The following ULK4 variants were observed in gnomAD, a reference collection of about 807,000 sequenced individuals.
ULK4 encodes unc-51 like kinase 4.
ULK4 carries 133 observed loss-of-function variants against 160.6 expected under a neutral mutation model. That is an observed-to-expected ratio of 0.83 (90% confidence interval 0.72 to 0.96). The LOEUF is 0.96. ULK4 is among the 40% of genes least tolerant of loss of function. ULK4 has a pLI of 0.00. For missense variants in ULK4, 1,580 were observed against 1,499.5 expected, an observed-to-expected ratio of 1.05 and a Z score of -0.89; for synonymous variants, 534 against 539.8, an observed-to-expected ratio of 0.99 and a Z score of 0.15.
intron 35 of ULK4, among the ~76,000 whole-genome samples, chr3:41,326,258 T>A (rs2080337063): frequency 6.6e-6 from 1 of 152,184 alleles, no homozygotes; most frequent in South Asian, 2.1e-4. Flanking sequence ...CAGACAACTC[T>A]TCAAATTCGA....
intron 32 of ULK4, among the ~76,000 whole-genome samples, chr3:41,537,268 C>A (rs2086536975): frequency 2.6e-5 from 4 of 151,732 alleles, no homozygotes; most frequent in Admixed American, 2.6e-4. Flanking sequence ...AAGTTATGCA[C>A]TCTGGACATA....
At chr3:41,904,149 A>G (rs1698471850) in intron 12 of ULK4, among the ~76,000 whole-genome samples, 1 of 152,108 alleles carries the variant, frequency 6.6e-6, no homozygotes, top group Non-Finnish European at 1.5e-5. Flanking sequence ...TATAAAACAT[A>G]AGGCCAAGCA....
At chr3:41,526,660 T>C (rs1486091813) in intron 32 of ULK4, among the ~76,000 whole-genome samples, 2 of 152,190 alleles carry the variant, frequency 1.3e-5, no homozygotes, top group Non-Finnish European at 2.9e-5. Context: ...TAGATATGTC[T>C]TCCAGGACTG....
intron 35 of ULK4, among the ~76,000 whole-genome samples, chr3:41,268,263 T>C (rs1043087264): frequency 1.3e-5 from 2 of 152,210 alleles, no homozygotes; most frequent in Admixed American, 6.5e-5. Context: ...TGCCTTCTCA[T>C]GTTACATCAG....
chr3:41,739,523 C>T (rs944853234), intron 22 of ULK4, among the ~76,000 whole-genome samples: 3 of 151,854 alleles, frequency 2.0e-5, no homozygotes, highest in Admixed American at 2.0e-4. Context: ...CATATATATG[C>T]TGATTCATGG....
At chr3:41,611,317 C>T (rs920095152) in intron 31 of ULK4, among the ~76,000 whole-genome samples, 2 of 152,162 alleles carry the variant, frequency 1.3e-5, no homozygotes, top group African/African-American at 2.4e-5. Context: ...GCTTGGGGAA[C>T]AGCACCCAGC....
chr3:41,397,964 C>T (rs534201530), intron 35 of ULK4, 115 bp downstream of exon 35: 2 of 1,207,246 alleles, frequency 1.7e-6, no homozygotes. Flanking sequence ...GAGTTCTTGA[C>T]AACTCTTGCA....
intron 35 of ULK4, among the ~76,000 whole-genome samples, chr3:41,392,237 T>C (rs2125808478): frequency 6.6e-6 from 1 of 152,276 alleles, no homozygotes; most frequent in South Asian, 2.1e-4. Flanking sequence ...CCCAACTTCC[T>C]GTTCAATTAC....
chr3:41,838,866 A>G lies in ULK4; in HGVS notation c.1657-2895T>C, dbSNP rs368428780. On this transcript the variant is annotated intron_variant, in intron 17 of 36. Coordinates refer to ENST00000301831, the MANE Select transcript of ULK4 (RefSeq NM_017886.4). Reference sequence around the variant, plus strand: ...TCATCTTCCTCATATGTGAAATCCAAAAAAGTGAAATTTATAGACATGGAG... The same window carrying G: ...TCATCTTCCTCATATGTGAAATCCAGAAAAGTGAAATTTATAGACATGGAG... 1.6e-3 allele frequency among the ~76,000 whole-genome samples: 246 copies of G among 152,292 alleles called. 1 individual carries two copies. Among genetic ancestry groups the G allele is most frequent in the African/African-American group, 5.8e-3 (241 of 41,552 alleles).
rs2086434110 is a variant in ULK4, at chr3:41,534,677, T to C, written c.3226+31348A>G. Among the ~76,000 whole-genome samples, 5 of 152,158 alleles carry C rather than the reference T, an allele frequency of 3.3e-5. No homozygotes were observed. The South Asian group carries it at 1.0e-3, about 32-fold the overall frequency. Reference sequence around the variant, plus strand: ...ACTGATATTACCTACCATACTTCATTGACTCTAAGATGCCACTGATCATAA... The same window carrying C: ...ACTGATATTACCTACCATACTTCATCGACTCTAAGATGCCACTGATCATAA... On this transcript the variant is annotated intron_variant, in intron 32 of 36. Transcript: ENST00000301831.
intron 17 of ULK4, among the ~76,000 whole-genome samples, chr3:41,852,868 G>C (rs1380661980): frequency 6.6e-6 from 1 of 152,140 alleles, no homozygotes; most frequent in Non-Finnish European, 1.5e-5. Context: ...GAACCAGCCT[G>C]CAACAGAGTC....
At chr3:41,647,583 T>C (rs570388176) in intron 30 of ULK4, among the ~76,000 whole-genome samples, 2 of 152,304 alleles carry the variant, frequency 1.3e-5, no homozygotes, top group South Asian at 4.1e-4. Flanking sequence ...CTGGGCCGTG[T>C]GAGGTGTCAG....
intron 9 of ULK4, 37 bp downstream of exon 9, chr3:41,912,770 T>C: frequency 6.4e-7 from 1 of 1,565,416 alleles, no homozygotes; most frequent in Non-Finnish European, 8.8e-7. Context: ...AAGTGTCCAG[T>C]AACTATGTCC....
At chr3:41,800,763 G>A (rs573922082) in intron 19 of ULK4, among the ~76,000 whole-genome samples, 1 of 152,306 alleles carries the variant, frequency 6.6e-6, no homozygotes, top group South Asian at 2.1e-4. Flanking sequence ...ACATCAAGGA[G>A]AGTCCTAAGA....
At chr3:41,389,052 G>A (rs1281987465) in intron 35 of ULK4, among the ~76,000 whole-genome samples, 1 of 151,798 alleles carries the variant, frequency 6.6e-6, no homozygotes, top group East Asian at 1.9e-4. Flanking sequence ...TTATTCCATT[G>A]AGCAGTGGTT....
In ULK4 at chr3:41,322,396, T is replaced by G. The variant is rs542403044; in HGVS notation, c.3679-72822A>C. ...ACTTGCCTCCGTCTCTCCCTCTGCC[T>G]TATGCCCCTCAGACAAATTTTTCTG... On this transcript the variant is annotated intron_variant, in intron 35 of 36. Coordinates refer to ENST00000301831, the MANE Select transcript of ULK4 (RefSeq NM_017886.4). 1.9e-3 allele frequency among the ~76,000 whole-genome samples: 292 copies of G among 152,274 alleles called. 1 individual carries two copies. The highest frequency in any genetic ancestry group is 6.6e-3 in the African/African-American group (276 of 41,574).
At chr3:41,435,423 A>C (rs1034064613) in intron 34 of ULK4, among the ~76,000 whole-genome samples, 4 of 152,202 alleles carry the variant, frequency 2.6e-5, no homozygotes, top group African/African-American at 9.7e-5. Flanking sequence ...AATGATCCAA[A>C]ATAACTATAT....
intron 35 of ULK4, among the ~76,000 whole-genome samples, chr3:41,367,484 C>T (rs1201685095): frequency 1.3e-5 from 2 of 152,166 alleles, no homozygotes; most frequent in Non-Finnish European, 2.9e-5. Flanking sequence ...CCACAGGACA[C>T]CTTGGGGTAT....
At chr3:41,513,920 T>C (rs1575337552) in intron 32 of ULK4, among the ~76,000 whole-genome samples, 1 of 152,066 alleles carries the variant, frequency 6.6e-6, no homozygotes, top group African/African-American at 2.4e-5. Flanking sequence ...AAAGAACGTA[T>C]TCATGTTACC....
Sources: allele counts gnomAD v4.1 joint callset (sites outside exome capture counted in the v4.1 genomes callset), GRCh38; gene constraint gnomAD v4.1.1; transcripts MANE v1.5; gene names NCBI Gene and HGNC (gene_info 2026-07-23, HGNC 2026-07-21).